The following EEPD1 variants were observed in gnomAD, a reference collection of about 807,000 sequenced individuals.
EEPD1 encodes the protein endonuclease/exonuclease/phosphatase family domain-containing protein 1.
EEPD1 carries 17 observed loss-of-function variants against 46.3 expected under a neutral mutation model. That is an observed-to-expected ratio of 0.37 (90% CI 0.25 to 0.55). EEPD1 has a LOEUF of 0.55. Ranked by LOEUF, EEPD1 falls within the 20% of genes least tolerant of loss-of-function variation. The pLI, the probability that EEPD1 is intolerant of heterozygous loss-of-function variation, is 0.83. For missense variants in EEPD1, 673 were observed against 745.6 expected (o/e 0.90, Z 1.13); for synonymous variants, 313 against 315.6 (o/e 0.99, Z 0.09).
At chr7:36,211,079 C>CA (rs1261332375) in intron 2 of EEPD1, among the ~76,000 whole-genome samples, 1 of 152,178 alleles carries the variant, frequency 6.6e-6, no homozygotes, top group African/African-American at 2.4e-5. Flanking sequence ...GCCTGTCACA[C>CA]AGAGTCAACA....
At chr7:36,158,601 G>C (rs1784859735) in intron 2 of EEPD1, among the ~76,000 whole-genome samples, 1 of 152,176 alleles carries the variant, frequency 6.6e-6, no homozygotes, top group African/African-American at 2.4e-5. Flanking sequence ...CAGTCACCAG[G>C]AGCCTTCAGG....
At chr7:36,189,699 T>TA (rs559794453) in intron 2 of EEPD1, among the ~76,000 whole-genome samples, 61 of 152,314 alleles carry the variant, frequency 4.0e-4, no homozygotes, top group Admixed American at 6.5e-4. Context: ...ATAAATGAGC[T>TA]ACCCCCATTT....
intron 6 of EEPD1, among the ~76,000 whole-genome samples, chr7:36,292,998 ATT>A (rs1252656004): frequency 4.6e-5 from 7 of 151,750 alleles, no homozygotes; most frequent in Admixed American, 4.6e-4. Flanking sequence ...TAAAAAAAAA[ATT>A]ATTCCCAGTA....
At position 36,260,926 on chromosome 7, in the gene EEPD1, G is replaced by A. The variant is rs923031383; in HGVS notation, c.931-20189G>A. On this transcript the variant is annotated intron_variant, in intron 3 of 7. Transcript: ENST00000242108. ...ATACAGTATAACATCTGTTTACATAGCATTGACATTGTATTAGGTATTATA... is the reference window on the plus strand; with the variant it reads ...ATACAGTATAACATCTGTTTACATAACATTGACATTGTATTAGGTATTATA... Among the ~76,000 whole-genome samples, 4 of 152,298 alleles carry A rather than the reference G, an allele frequency of 2.6e-5. No homozygotes were observed. In the South Asian group the frequency reaches 6.2e-4, roughly 24 times the overall value.
At chr7:36,275,083 C>T (rs992686370) in intron 3 of EEPD1, among the ~76,000 whole-genome samples, 2 of 152,192 alleles carry the variant, frequency 1.3e-5, no homozygotes, top group African/African-American at 4.8e-5. Context: ...TTGCAAAACT[C>T]ATTGTCAAAG....
intron 3 of EEPD1, among the ~76,000 whole-genome samples, chr7:36,263,886 A>G (rs1562706033): frequency 1.3e-5 from 2 of 152,226 alleles, no homozygotes; most frequent in Non-Finnish European, 2.9e-5. Flanking sequence ...CTTGCTTTGC[A>G]AGGATACATT....
intron 3 of EEPD1, among the ~76,000 whole-genome samples, chr7:36,280,833 T>G (rs1196550052): frequency 6.6e-6 from 1 of 152,214 alleles, no homozygotes; most frequent in Non-Finnish European, 1.5e-5. Flanking sequence ...TTGAACTGTT[T>G]GGGCAGGAAT....
At chr7:36,268,677 C>T (rs1787059810) in intron 3 of EEPD1, among the ~76,000 whole-genome samples, 2 of 152,122 alleles carry the variant, frequency 1.3e-5, no homozygotes, top group African/African-American at 4.8e-5. Context: ...TGTGGAATGT[C>T]GAAGGGGGAT....
At chr7:36,291,259 G>A (rs1429315409) in intron 6 of EEPD1, among the ~76,000 whole-genome samples, 2 of 152,268 alleles carry the variant, frequency 1.3e-5, no homozygotes, top group East Asian at 3.9e-4. Flanking sequence ...GACATTTGTG[G>A]TTCCGCTTGT....
chr7:36,285,994 C>T (rs1016225902), intron 5 of EEPD1, among the ~76,000 whole-genome samples: 10 of 152,230 alleles, frequency 6.6e-5, no homozygotes, highest in South Asian at 4.1e-4. Context: ...GTGGTACTGA[C>T]GTGTAAGTCA....
intron 6 of EEPD1, among the ~76,000 whole-genome samples, chr7:36,288,303 A>G (rs2115885963): frequency 6.6e-6 from 1 of 152,288 alleles, no homozygotes; most frequent in African/African-American, 2.4e-5. Context: ...CAGGCAAGCC[A>G]CCAAACCACT....
intron 3 of EEPD1, among the ~76,000 whole-genome samples, chr7:36,265,114 A>G (rs1786992796): frequency 6.6e-6 from 1 of 152,238 alleles, no homozygotes; most frequent in Non-Finnish European, 1.5e-5. Flanking sequence ...AACACCATTT[A>G]GAATAGCTGA....
At chr7:36,276,020 A>G (rs1787177662) in intron 3 of EEPD1, among the ~76,000 whole-genome samples, 1 of 152,148 alleles carries the variant, frequency 6.6e-6, no homozygotes, top group Non-Finnish European at 1.5e-5. Flanking sequence ...CACCTTGTAC[A>G]TCTCGTAGAT....
chr7:36,290,200 C>G (rs1403178271), intron 6 of EEPD1, among the ~76,000 whole-genome samples: 1 of 152,170 alleles, frequency 6.6e-6, no homozygotes, highest in Non-Finnish European at 1.5e-5. Flanking sequence ...TCTTTGACAG[C>G]CTTAGGCAGT....
chr7:36,168,714 T>A (rs2115621352), intron 2 of EEPD1, among the ~76,000 whole-genome samples: 1 of 148,002 alleles, frequency 6.8e-6, no homozygotes, highest in African/African-American at 2.5e-5. Context: ...GCGAAGATTG[T>A]GCCACTGCAC....
At chr7:36,266,782 A>G (rs529563626) in intron 3 of EEPD1, among the ~76,000 whole-genome samples, 1 of 152,310 alleles carries the variant, frequency 6.6e-6, no homozygotes, top group Admixed American at 6.5e-5. Flanking sequence ...GATTCTGTCC[A>G]AAGTAATATT....
intron 2 of EEPD1, among the ~76,000 whole-genome samples, chr7:36,234,555 C>T (rs940741795): frequency 2.0e-5 from 3 of 151,762 alleles, no homozygotes; most frequent in South Asian, 2.1e-4. Flanking sequence ...GCCTGCAGTC[C>T]GAGCTGCTTG....
chr7:36,270,995 A>ATT (rs36087639), intron 3 of EEPD1, among the ~76,000 whole-genome samples: 208 of 150,478 alleles, frequency 1.4e-3, no homozygotes, highest in African/African-American at 5.0e-3. Flanking sequence ...TATTATTATT[A>ATT]TTTTTTTTTG....
chr7:36,268,041 A>G (rs1787049852), intron 3 of EEPD1, among the ~76,000 whole-genome samples: 1 of 152,164 alleles, frequency 6.6e-6, no homozygotes, highest in African/African-American at 2.4e-5. Flanking sequence ...TGTGAGAAGT[A>G]AATATTTGTT....
Sources: gnomAD v4.1 joint callset for allele counts (sites outside exome capture counted in the v4.1 genomes callset) on GRCh38, gnomAD v4.1.1 for gene constraint, MANE v1.5 for transcripts, NCBI Gene and HGNC (gene_info 2026-07-23, HGNC 2026-07-21) for gene names.